Variants in LRP1B observed in about 807,000 individuals in gnomAD.
LRP1B encodes LDL receptor related protein 1B.
In LRP1B, 217 loss-of-function variants were observed where a neutral mutation model predicts 556.6. The observed-to-expected ratio is 0.39, with a 90% CI of 0.35 to 0.44. The LOEUF is 0.44. Ranked by LOEUF, LRP1B falls within the 20% of genes least tolerant of loss-of-function variation. The pLI is 1.00. For missense variants in LRP1B, 5,053 were observed against 5,620.8 expected (o/e 0.90, Z 3.23); for synonymous variants, 2,047 against 1,865.8 (o/e 1.10, Z -2.50).
intron 2 of LRP1B, among the ~76,000 whole-genome samples, chr2:141,694,673 T>C (rs1691670150): frequency 6.6e-6 from 1 of 151,936 alleles, no homozygotes; most frequent in Non-Finnish European, 1.5e-5. Flanking sequence ...CAATTTTCTC[T>C]TTTAGACATC....
intron 66 of LRP1B, among the ~76,000 whole-genome samples, chr2:140,423,275 G>C (rs964117711): frequency 1.3e-4 from 20 of 152,040 alleles, no homozygotes; most frequent in Admixed American, 5.9e-4. Context: ...ACAGCATTTA[G>C]TGCCAACATT....
chr2:140,711,067 C>T (rs985599780), intron 37 of LRP1B, among the ~76,000 whole-genome samples: 2 of 151,932 alleles, frequency 1.3e-5, no homozygotes, highest in African/African-American at 4.8e-5. Flanking sequence ...TCTGAGGAGA[C>T]ATTTATATCC....
At chr2:141,030,217 G>A (rs541440384) in intron 11 of LRP1B, among the ~76,000 whole-genome samples, 7 of 152,158 alleles carry the variant, frequency 4.6e-5, no homozygotes, top group African/African-American at 1.7e-4. Context: ...TGCAGTCTCA[G>A]AATGGGTTCA....
At chr2:141,645,273 T>C (rs937856419) in intron 2 of LRP1B, among the ~76,000 whole-genome samples, 1 of 152,064 alleles carries the variant, frequency 6.6e-6, no homozygotes, top group African/African-American at 2.4e-5. Flanking sequence ...TAGATAGCTA[T>C]GAACTAGATG....
intron 2 of LRP1B, among the ~76,000 whole-genome samples, chr2:141,622,244 T>C (rs1353662000): frequency 6.6e-6 from 1 of 152,194 alleles, no homozygotes; most frequent in African/African-American, 2.4e-5. Flanking sequence ...TAATATTTAG[T>C]ATTTATTTCT....
intron 18 of LRP1B, among the ~76,000 whole-genome samples, chr2:140,980,150 C>A (rs531707588): frequency 2.6e-5 from 4 of 152,080 alleles, no homozygotes; most frequent in African/African-American, 4.8e-5. Flanking sequence ...AATAGAAGTT[C>A]TTTAATGAGC....
chr2:140,338,068 GA>G (rs35692268), intron 77 of LRP1B, among the ~76,000 whole-genome samples: 34 of 142,128 alleles, frequency 2.4e-4, no homozygotes, highest in African/African-American at 7.4e-4. Context: ...TTAGAAAAAC[GA>G]AAAAAAAAAC....
chr2:142,115,580 G>GTTACATATATAATATA (rs1201566675), intron 1 of LRP1B, among the ~76,000 whole-genome samples: 19 of 26,560 alleles, frequency 7.2e-4, no homozygotes, highest in African/African-American at 1.9e-3. Context: ...TATTATATAT[G>GTTACATATATAATATA]TAATATATAT....
rs1392797181 is a variant in LRP1B, at chr2:140,270,310, T to C, written c.13179A>G (p.Leu4393=). The C allele has an allele frequency of 1.2e-6, 2 of 1,611,968 alleles. No homozygotes were observed. Among genetic ancestry groups the C allele is most frequent in the South Asian group, 1.1e-5 (1 of 91,028 alleles). ...TNGKIASSCQ[L]CDGYCYNGGT... Reference sequence around the variant, plus strand: ...CACCATTGTAACAGTAGCCATCACATAACTGACAGCTAGAGGCAATCTTTC... The same window carrying C: ...CACCATTGTAACAGTAGCCATCACACAACTGACAGCTAGAGGCAATCTTTC... The change falls in exon 86 of 91, where the codon TTA becomes TTG. Residue 4393 remains leucine (L), a synonymous_variant. Coordinates refer to ENST00000389484, the MANE Select transcript of LRP1B (RefSeq NM_018557.3).
intron 2 of LRP1B, among the ~76,000 whole-genome samples, chr2:141,731,578 C>T (rs1693274969): frequency 6.6e-6 from 1 of 152,122 alleles, no homozygotes; most frequent in Admixed American, 6.6e-5. Context: ...CTTACACTTT[C>T]ACAGCAGCCA....
At chr2:141,067,299 A>G (rs923955175) in intron 7 of LRP1B, among the ~76,000 whole-genome samples, 4 of 152,026 alleles carry the variant, frequency 2.6e-5, no homozygotes, top group African/African-American at 9.7e-5. Context: ...TTCAAATTCT[A>G]TTAGTTTCTG....
intron 2 of LRP1B, among the ~76,000 whole-genome samples, chr2:141,554,273 CTATAGGAATAGA>C (rs1352463105): frequency 3.0e-4 from 33 of 109,214 alleles, no homozygotes; most frequent in South Asian, 1.2e-3. Context: ...TTATATATAT[CTATAGGAATAGA>C]CATAGATATA....
intron 3 of LRP1B, among the ~76,000 whole-genome samples, chr2:141,344,668 C>T (rs565830348): frequency 7.2e-5 from 11 of 152,092 alleles, no homozygotes; most frequent in Non-Finnish European, 7.4e-5. Context: ...GTCTCTCCTC[C>T]ATTGAAATAT....
At chr2:140,798,415 A>G (rs1690391893) in intron 32 of LRP1B, among the ~76,000 whole-genome samples, 1 of 152,208 alleles carries the variant, frequency 6.6e-6, no homozygotes, top group Admixed American at 6.5e-5. Flanking sequence ...CCACTTTACA[A>G]GAAACTTTTA....
intron 1 of LRP1B, among the ~76,000 whole-genome samples, chr2:142,075,482 T>G (rs1705464315): frequency 6.6e-6 from 1 of 152,138 alleles, no homozygotes; most frequent in Non-Finnish European, 1.5e-5. Context: ...TGATACCTGA[T>G]GTGGCTCAAC....
intron 27 of LRP1B, among the ~76,000 whole-genome samples, chr2:140,865,582 TATGCTCAGTG>T (rs1467587149): frequency 2.0e-5 from 3 of 152,064 alleles, no homozygotes; most frequent in East Asian, 3.9e-4. Context: ...ATGATTATTA[TATGCTCAGTG>T]ATCCTTATAA....
chr2:141,331,520 T>C (rs549492942), intron 3 of LRP1B, among the ~76,000 whole-genome samples: 8 of 31,818 alleles, frequency 2.5e-4, no homozygotes, highest in East Asian at 1.5e-3. Context: ...CTTTCTTTCT[T>C]TCTCTTTCTT....
intron 41 of LRP1B, among the ~76,000 whole-genome samples, chr2:140,657,075 C>T (rs185708953): frequency 5.3e-5 from 8 of 152,046 alleles, no homozygotes; most frequent in Admixed American, 2.6e-4. Flanking sequence ...ATGATTTTAT[C>T]CTGTGAAATA....
chr2:141,044,054 A>G (rs1698789667), intron 11 of LRP1B, among the ~76,000 whole-genome samples: 1 of 151,968 alleles, frequency 6.6e-6, no homozygotes, highest in Non-Finnish European at 1.5e-5. Context: ...ACAGCATGGT[A>G]CTGGTACCAA....
Sources: gnomAD v4.1 joint callset for allele counts (sites outside exome capture counted in the v4.1 genomes callset) on GRCh38, gnomAD v4.1.1 for gene constraint, MANE v1.5 for transcripts, NCBI Gene and HGNC (gene_info 2026-07-23, HGNC 2026-07-21) for gene names.